Variants in DZANK1 observed in about 807,000 individuals in gnomAD.
The protein encoded by DZANK1 is double zinc ribbon and ankyrin repeat-containing protein 1.
Under a neutral mutation model 94.5 loss-of-function variants are expected in DZANK1, and 91 were observed. The observed-to-expected ratio is 0.96, with a 90% CI of 0.81 to 1.15. DZANK1 has a LOEUF of 1.15. DZANK1 is among the 50% of genes most tolerant of loss of function. The pLI is 0.00. For synonymous variants in DZANK1, 312 were observed against 325.3 expected (o/e 0.96, Z 0.44); for missense variants, 903 against 916.4 (o/e 0.99, Z 0.19).
intron 9 of DZANK1, chr20:18,433,404 T>C: frequency 2.4e-6 from 1 of 418,682 alleles, no homozygotes; most frequent in South Asian, 2.5e-5. Context: ...TAGCCATGCG[T>C]GGTGGTGCAC....
exon 2 of DZANK1, chr20:18,465,267 A>C (rs2059604615): frequency 6.3e-7 from 1 of 1,598,698 alleles, no homozygotes. Context: ...CATTTCCAAA[A>C]GCGTATTGTT....
intron 13 of DZANK1, among the ~76,000 whole-genome samples, chr20:18,409,918 A>C (rs2148409888): frequency 6.6e-6 from 1 of 152,012 alleles, no homozygotes; most frequent in East Asian, 1.9e-4. Context: ...AAACACAAAA[A>C]ATTATCTGGG....
intron 13 of DZANK1, among the ~76,000 whole-genome samples, chr20:18,401,469 G>A (rs2056676483): frequency 6.6e-6 from 1 of 152,308 alleles, no homozygotes; most frequent in Middle Eastern, 3.4e-3. Context: ...CCACTTTACT[G>A]CCCATACTTC....
intron 10 of DZANK1, among the ~76,000 whole-genome samples, chr20:18,419,648 A>C (rs1333777973): frequency 6.6e-6 from 1 of 152,218 alleles, no homozygotes; most frequent in African/African-American, 2.4e-5. Context: ...AAGTTCAGAA[A>C]GAAAATAACT....
At chr20:18,405,407 T>TA (rs984328961) in intron 13 of DZANK1, among the ~76,000 whole-genome samples, 83 of 149,466 alleles carry the variant, frequency 5.6e-4, no homozygotes, top group African/African-American at 1.2e-3. Flanking sequence ...TTATACAACG[T>TA]AAAAAAAAGA....
exon 12 of DZANK1, chr20:18,414,481 G>C: frequency 6.2e-7 from 1 of 1,612,580 alleles, no homozygotes; most frequent in Non-Finnish European, 8.5e-7. Context: ...CCCACATTTA[G>C]GGCAAACAGA....
chr20:18,394,674 C>T (rs1169993983), intron 15 of DZANK1: 1 of 546,772 alleles, frequency 1.8e-6, no homozygotes, highest in South Asian at 1.4e-5. Context: ...GTCCCAGTCA[C>T]CTTTAGATCC....
At chr20:18,412,487 C>CT (rs1278755752) in intron 13 of DZANK1, among the ~76,000 whole-genome samples, 159 bp downstream of exon 13, 1 of 152,078 alleles carries the variant, frequency 6.6e-6, no homozygotes, top group Non-Finnish European at 1.5e-5. Flanking sequence ...GGAAGAGCTT[C>CT]TTTTTCCAAT....
chr20:18,439,724 T>A (rs13043603), intron 8 of DZANK1, among the ~76,000 whole-genome samples: 2 of 152,308 alleles, frequency 1.3e-5, no homozygotes, highest in South Asian at 4.1e-4. Flanking sequence ...CACTAATGTA[T>A]TCCTTGATAT....
chr20:18,408,939 A>G (rs531319226), intron 13 of DZANK1, among the ~76,000 whole-genome samples: 12 of 152,318 alleles, frequency 7.9e-5, no homozygotes, highest in African/African-American at 2.9e-4. Context: ...TGAACCAATC[A>G]AAAATAATAA....
chr20:18,413,114 A>G (rs149632943), intron 12 of DZANK1: 2 of 538,096 alleles, frequency 3.7e-6, no homozygotes, highest in African/African-American at 1.9e-5. Context: ...GATGCCTGGA[A>G]GATATCTATC....
chr20:18,427,156 T>C (rs2058081824), exon 10 of DZANK1: 1 of 1,611,640 alleles, frequency 6.2e-7, no homozygotes, highest in South Asian at 1.1e-5. Flanking sequence ...CAAATTACCT[T>C]CTCCTTAACA....
intron 17 of DZANK1, 92 bp from the exon 18 acceptor site, chr20:18,390,551 A>C (rs1348151926): frequency 1.6e-6 from 2 of 1,226,958 alleles, no homozygotes; most frequent in Non-Finnish European, 2.4e-6. Context: ...CTAAGTCACA[A>C]GGACAGGTGA....
At chr20:18,447,086 T>C (rs1472179156) in intron 7 of DZANK1, among the ~76,000 whole-genome samples, 9 of 152,180 alleles carry the variant, frequency 5.9e-5, no homozygotes, top group Non-Finnish European at 1.2e-4. Context: ...AACTAAATTA[T>C]CCTCTCAATA....
chr20:18,398,024 G>A (rs558484529), intron 14 of DZANK1, among the ~76,000 whole-genome samples: 32 of 152,192 alleles, frequency 2.1e-4, no homozygotes, highest in Non-Finnish European at 4.1e-4. Context: ...TCTACCATTT[G>A]AGGGGAAGAC....
intron 9 of DZANK1, 34 bp downstream of exon 9, chr20:18,433,618 T>G (rs2058377981): frequency 6.3e-7 from 1 of 1,580,672 alleles, no homozygotes; most frequent in Non-Finnish European, 8.7e-7. Context: ...ACTATGTATT[T>G]CATTCATGTT....
intron 2 of DZANK1, among the ~76,000 whole-genome samples, chr20:18,461,601 T>A (rs961414654): frequency 5.3e-5 from 2 of 38,050 alleles, no homozygotes; most frequent in African/African-American, 2.4e-4. Context: ...ATTTGTAATC[T>A]TTTTTTTTTT....
chr20:18,460,084 AAATG>A, intron 3 of DZANK1, 65 bp downstream of exon 3: 2 of 1,179,610 alleles, frequency 1.7e-6, no homozygotes, highest in Non-Finnish European at 2.3e-6. Context: ...TGATAGGAAA[AAATG>A]AATAAAATTA....
exon 13 of DZANK1, chr20:18,412,654 G>C: frequency 6.2e-7 from 1 of 1,612,662 alleles, no homozygotes; most frequent in Non-Finnish European, 8.5e-7. Flanking sequence ...ACCTCTTCCT[G>C]GGCTGATGGC....
Sources: allele counts gnomAD v4.1 joint callset (sites outside exome capture counted in the v4.1 genomes callset), GRCh38; gene constraint gnomAD v4.1.1; transcripts MANE v1.5; gene names NCBI Gene and HGNC (gene_info 2026-07-23, HGNC 2026-07-21).